SGCD: variants seen among roughly 807,000 people sequenced by gnomAD.
SGCD encodes sarcoglycan delta.
In SGCD, 18 loss-of-function variants were observed where a neutral mutation model predicts 36.6. That is an observed-to-expected ratio of 0.49 (90% CI 0.34 to 0.73). SGCD has a LOEUF of 0.73. SGCD is among the 30% of genes least tolerant of loss of function. The pLI, the probability that SGCD is intolerant of heterozygous loss-of-function variation, is 0.01. For synonymous variants in SGCD, 133 were observed against 130.6 expected (o/e 1.02, Z -0.12); for missense variants, 387 against 346.7 (o/e 1.12, Z -0.92).
At chr5:156,641,372 G>A (rs1763020016) in intron 6 of SGCD, among the ~76,000 whole-genome samples, 1 of 152,156 alleles carries the variant, frequency 6.6e-6, no homozygotes, top group South Asian at 2.1e-4. Context: ...TTTAAACAGT[G>A]GGAGCTACAT....
At chr5:156,498,842 G>A (rs1031299863) in intron 3 of SGCD, among the ~76,000 whole-genome samples, 2 of 152,030 alleles carry the variant, frequency 1.3e-5, no homozygotes, top group Non-Finnish European at 2.9e-5. Flanking sequence ...TAACAGGCAG[G>A]CCCTTTTCCA....
intron 4 of SGCD, among the ~76,000 whole-genome samples, chr5:156,584,399 G>A (rs951920964): frequency 6.6e-6 from 1 of 152,170 alleles, no homozygotes; most frequent in Non-Finnish European, 1.5e-5. Flanking sequence ...TATGCCCCCT[G>A]GTAGTTTGTA....
rs151284923 is a variant in SGCD at position 156,747,685 on chromosome 5, A to G, written c.576-9896A>G. Among the ~76,000 whole-genome samples the G allele has an allele frequency of 6.8e-3, 1,029 of 152,246 alleles. 5 individuals carry two copies. The highest frequency in any genetic ancestry group is 0.012 in the Non-Finnish European group (785 of 68,012). The stretch of plus-strand genomic sequence containing the variant: ...GGAAGCCACGGTCTTTTTACATCTT[A>G]AGCTCATAAGTGATATCCCACTAAT... On this transcript the variant is annotated intron_variant, in intron 7 of 8. Transcript: ENST00000337851.
intron 3 of SGCD, among the ~76,000 whole-genome samples, chr5:156,388,684 T>A (rs940598099): frequency 6.6e-6 from 1 of 152,234 alleles, no homozygotes; most frequent in Non-Finnish European, 1.5e-5. Flanking sequence ...TTTTCAGCAA[T>A]GTTGTGATTC....
At chr5:156,633,964 C>T (rs1762731977) in intron 6 of SGCD, among the ~76,000 whole-genome samples, 1 of 152,254 alleles carries the variant, frequency 6.6e-6, no homozygotes, top group Middle Eastern at 3.4e-3. Flanking sequence ...CTTCTAGGGG[C>T]ATGACACAGC....
intron 3 of SGCD, among the ~76,000 whole-genome samples, chr5:156,182,135 C>T (rs1763625190): frequency 6.6e-6 from 1 of 152,116 alleles, no homozygotes. Flanking sequence ...TGGAAATTGA[C>T]ACACTGATTC....
chr5:155,823,072 ATC>A, the SGCD span, among the ~76,000 whole-genome samples: 27 of 141,200 alleles, frequency 1.9e-4, no homozygotes, highest in East Asian at 6.0e-4. Flanking sequence ...ATATCTATCT[ATC>A]TATCTATCTA....
intron 4 of SGCD, among the ~76,000 whole-genome samples, chr5:156,566,789 A>G (rs1360860632): frequency 6.6e-6 from 1 of 152,208 alleles, no homozygotes; most frequent in African/African-American, 2.4e-5. Flanking sequence ...TGTTACAGAG[A>G]TATTAATGTC....
At chr5:155,771,597 T>C in the SGCD span, among the ~76,000 whole-genome samples, 4 of 151,922 alleles carry the variant, frequency 2.6e-5, no homozygotes, top group Non-Finnish European at 4.4e-5. Context: ...AATTTTTTTT[T>C]TATTTTTAGT....
chr5:156,098,615 ATATT>A (rs962221548), intron 1 of SGCD, among the ~76,000 whole-genome samples: 25 of 145,844 alleles, frequency 1.7e-4, no homozygotes, highest in Admixed American at 4.2e-4. Context: ...ATATATATAT[ATATT>A]TATTTATGTT....
chr5:156,231,013 A>C (rs973293808), intron 3 of SGCD, among the ~76,000 whole-genome samples: 1 of 152,202 alleles, frequency 6.6e-6, no homozygotes, highest in Non-Finnish European at 1.5e-5. Flanking sequence ...AAAGGCTACA[A>C]GGAGGGTTGT....
chr5:156,174,256 G>T (rs899364102), intron 3 of SGCD, among the ~76,000 whole-genome samples: 14 of 152,174 alleles, frequency 9.2e-5, no homozygotes, highest in Admixed American at 7.9e-4. Flanking sequence ...CGGTAGAGGG[G>T]AGAGGCTTAC....
At chr5:155,919,452 C>T (rs1756826199) in intron 1 of SGCD, among the ~76,000 whole-genome samples, 1 of 152,174 alleles carries the variant, frequency 6.6e-6, no homozygotes, top group South Asian at 2.1e-4. Context: ...AGTCTTCCAC[C>T]TACTTATTCC....
intron 1 of SGCD, among the ~76,000 whole-genome samples, chr5:156,095,766 G>C (rs1342583816): frequency 6.6e-6 from 1 of 152,202 alleles, no homozygotes; most frequent in Non-Finnish European, 1.5e-5. Context: ...TCAAGTGGCT[G>C]GGTAAAGAGT....
At chr5:155,941,677 A>G (rs991083132) in intron 1 of SGCD, among the ~76,000 whole-genome samples, 2 of 151,936 alleles carry the variant, frequency 1.3e-5, no homozygotes, top group African/African-American at 2.4e-5. Flanking sequence ...GAATGCCTCT[A>G]TGTTCAATAC....
chr5:155,995,986 CAA>C (rs753195795), intron 1 of SGCD, among the ~76,000 whole-genome samples: 4,013 of 45,990 alleles, frequency 0.087, 99 homozygotes, highest in African/African-American at 0.21. Context: ...CAGACCACAC[CAA>C]AAAAAAAAAA....
rs886060318 is a variant in SGCD, at chr5:156,766,175, C to T, written c.*6785C>T. ...ATACATCTCTTTCCTTTATACTTCC[C>T]TTCAAAAGACAAATATCTTACTTTT... is the stretch of plus-strand genomic sequence containing the variant. On this transcript the variant is annotated 3_prime_UTR_variant, in exon 9 of 9. Transcript: ENST00000337851. The T allele has an allele frequency of 6.6e-6, 1 of 152,078 alleles. No individual in the cohort carries two copies. 9.4% of individuals were successfully genotyped at this position (152,078 alleles called of 1,614,324 possible).
At chr5:156,515,115 A>G (rs1347760877) in intron 4 of SGCD, among the ~76,000 whole-genome samples, 2 of 152,112 alleles carry the variant, frequency 1.3e-5, no homozygotes, top group Admixed American at 6.6e-5. Context: ...AGTAGCTTTT[A>G]GTTTAAAATT....
chr5:156,385,605 G>A (rs1771234060), intron 3 of SGCD, among the ~76,000 whole-genome samples: 1 of 152,156 alleles, frequency 6.6e-6, no homozygotes, highest in Non-Finnish European at 1.5e-5. Context: ...GTTAGAGAAG[G>A]GGTCCAACTT....
Sources: allele counts gnomAD v4.1 joint callset (sites outside exome capture counted in the v4.1 genomes callset), GRCh38; gene constraint gnomAD v4.1.1; transcripts MANE v1.5; gene names NCBI Gene and HGNC (gene_info 2026-07-23, HGNC 2026-07-21).